The following NRG3 variants were observed in gnomAD, a reference collection of about 807,000 sequenced individuals.
NRG3 encodes the protein neuregulin 3.
Under a neutral mutation model 66.9 loss-of-function variants are expected in NRG3, and 31 were observed. That is an observed-to-expected ratio of 0.46 (90% confidence interval 0.35 to 0.63). The LOEUF is 0.63. NRG3 is among the 20% of genes least tolerant of loss of function. The pLI, the probability that NRG3 is intolerant of heterozygous loss-of-function variation, is 0.00. For missense variants in NRG3, 910 were observed against 878.9 expected (o/e 1.04, Z -0.45); for synonymous variants, 393 against 359.4 (o/e 1.09, Z -1.06).
chr10:81,890,080 T>C (rs1842901205), intron 1 of NRG3, among the ~76,000 whole-genome samples: 1 of 152,202 alleles, frequency 6.6e-6, no homozygotes, highest in Admixed American at 6.5e-5. Context: ...AATGACTAGA[T>C]AACACAAAAA....
chr10:82,360,105 G>A (rs1256109536), intron 2 of NRG3, among the ~76,000 whole-genome samples: 1 of 152,170 alleles, frequency 6.6e-6, no homozygotes, highest in Admixed American at 6.5e-5. Context: ...GACTTTGGCA[G>A]TGCCGCTGCA....
intron 1 of NRG3, among the ~76,000 whole-genome samples, chr10:81,918,648 T>C (rs182704501): frequency 3.0e-4 from 46 of 152,276 alleles, no homozygotes; most frequent in Admixed American, 1.6e-3. Flanking sequence ...TTGATATTAT[T>C]GGAAAATTAT....
At chr10:82,658,884 GA>G (rs1488849780) in intron 2 of NRG3, among the ~76,000 whole-genome samples, 7 of 152,122 alleles carry the variant, frequency 4.6e-5, no homozygotes, top group African/African-American at 1.4e-4. Flanking sequence ...TTTCACATGG[GA>G]AGTATATGTT....
chr10:82,155,761 T>A (rs1338082483), intron 1 of NRG3, among the ~76,000 whole-genome samples: 1 of 151,754 alleles, frequency 6.6e-6, no homozygotes, highest in Non-Finnish European at 1.5e-5. Flanking sequence ...CATGTTATTT[T>A]ATTTAGTAGA....
intron 1 of NRG3, among the ~76,000 whole-genome samples, chr10:81,933,306 C>T (rs1338530267): frequency 6.6e-6 from 1 of 151,944 alleles, no homozygotes; most frequent in East Asian, 1.9e-4. Context: ...ATGTATAATT[C>T]CCACAGCAGC....
At chr10:82,930,784 T>C (rs4933859) in intron 4 of NRG3, among the ~76,000 whole-genome samples, 74,393 of 152,022 alleles carry the variant, frequency 0.49, 19,522 homozygotes, top group East Asian at 0.67. Flanking sequence ...TGGAGGTTAC[T>C]TTCACTGGCT....
intron 3 of NRG3, among the ~76,000 whole-genome samples, chr10:82,850,354 G>A (rs564285319): frequency 9.2e-5 from 14 of 152,254 alleles, no homozygotes; most frequent in South Asian, 8.3e-4. Flanking sequence ...GGTCCCCAGC[G>A]TGCTGCTCTC....
chr10:82,016,263 A>G (rs1393542865), intron 1 of NRG3, among the ~76,000 whole-genome samples: 1 of 152,068 alleles, frequency 6.6e-6, no homozygotes, highest in African/African-American at 2.4e-5. Context: ...CTTTTACTGT[A>G]TGGTTAGCTG....
In NRG3 at chr10:81,958,679, C is replaced by G. The variant is rs563318576; in HGVS notation, c.823+82516C>G. ...CCGAGGTGGGTGGATCACCTGAGGT[C>G]AGGAGTTTGAGACCAGCCTGGCCAA... is the stretch of plus-strand genomic sequence containing the variant. On this transcript the variant is annotated intron_variant, in intron 1 of 8. Transcript: ENST00000372141. Among the ~76,000 whole-genome samples, 598 of 152,202 alleles carry G rather than the reference C, an allele frequency of 3.9e-3. 2 individuals are homozygous for G. Among genetic ancestry groups the G allele is most frequent in the African/African-American group, 0.013 (560 of 41,532 alleles).
intron 1 of NRG3, among the ~76,000 whole-genome samples, chr10:82,284,389 T>C (rs1013208609): frequency 7.9e-5 from 12 of 152,300 alleles, no homozygotes; most frequent in African/African-American, 2.6e-4. Context: ...GAGATGCTTG[T>C]TACACACAGA....
At chr10:82,419,711 G>A (rs1318959303) in intron 2 of NRG3, among the ~76,000 whole-genome samples, 3 of 152,082 alleles carry the variant, frequency 2.0e-5, no homozygotes, top group Admixed American at 6.6e-5. Flanking sequence ...CAAATAAAAC[G>A]TAGGAATAGA....
intron 2 of NRG3, among the ~76,000 whole-genome samples, chr10:82,518,369 G>C (rs570163975): frequency 1.2e-3 from 188 of 152,216 alleles, no homozygotes; most frequent in African/African-American, 4.4e-3. Flanking sequence ...GTCAGAGGCT[G>C]GTGCTGAGGC....
chr10:82,656,638 G>T (rs1470928545), intron 2 of NRG3, among the ~76,000 whole-genome samples: 1 of 151,948 alleles, frequency 6.6e-6, no homozygotes, highest in Non-Finnish European at 1.5e-5. Context: ...CATTTGCCCA[G>T]GTCTAAGCCT....
At chr10:82,391,272 G>T (rs182718497) in intron 2 of NRG3, among the ~76,000 whole-genome samples, 1 of 152,252 alleles carries the variant, frequency 6.6e-6, no homozygotes, top group East Asian at 1.9e-4. Context: ...CTCTGTCTGA[G>T]AAGGAATATG....
chr10:82,155,094 G>T (rs1270702374), intron 1 of NRG3, among the ~76,000 whole-genome samples: 2 of 151,642 alleles, frequency 1.3e-5, no homozygotes, highest in Admixed American at 6.6e-5. Flanking sequence ...TAAATTTAGT[G>T]AAACAGGTTA....
At chr10:82,653,682 C>T (rs2051614465) in intron 2 of NRG3, among the ~76,000 whole-genome samples, 1 of 150,168 alleles carries the variant, frequency 6.7e-6, no homozygotes, top group East Asian at 1.9e-4. Context: ...GGGGGTGGAT[C>T]ACCATAATCC....
intron 4 of NRG3, among the ~76,000 whole-genome samples, chr10:82,909,075 A>G (rs1242119907): frequency 6.6e-6 from 1 of 152,216 alleles, no homozygotes; most frequent in Non-Finnish European, 1.5e-5. Flanking sequence ...CCATCAGGAA[A>G]CTGAGGCCAT....
At chr10:82,030,927 A>C (rs2062542748) in intron 1 of NRG3, among the ~76,000 whole-genome samples, 1 of 152,164 alleles carries the variant, frequency 6.6e-6, no homozygotes, top group Non-Finnish European at 1.5e-5. Flanking sequence ...GTTGCATTTT[A>C]GGTAAAGGTA....
At chr10:82,376,084 A>G (rs2085212088) in intron 2 of NRG3, among the ~76,000 whole-genome samples, 1 of 152,102 alleles carries the variant, frequency 6.6e-6, no homozygotes, top group Non-Finnish European at 1.5e-5. Context: ...TTAAAAATCC[A>G]TTCTGTTTCA....
Sources: gnomAD v4.1 joint callset for allele counts (sites outside exome capture counted in the v4.1 genomes callset) on GRCh38, gnomAD v4.1.1 for gene constraint, MANE v1.5 for transcripts, NCBI Gene and HGNC (gene_info 2026-07-23, HGNC 2026-07-21) for gene names.